Variants in DZANK1 observed in about 807,000 individuals in gnomAD.
DZANK1 encodes double zinc ribbon and ankyrin repeat domains 1, also known as double zinc ribbon and ankyrin repeat-containing protein 1.
Under a neutral mutation model 94.5 loss-of-function variants are expected in DZANK1, and 91 were observed. The ratio of observed to expected loss-of-function variants is 0.96; its 90% CI spans 0.81 to 1.15. DZANK1 has a LOEUF of 1.15. Ranked by LOEUF, DZANK1 falls within the 50% of genes most tolerant of loss-of-function variation. The pLI, the probability that DZANK1 is intolerant of heterozygous loss-of-function variation, is 0.00. For missense variants in DZANK1, 903 were observed against 916.4 expected (o/e 0.99, Z 0.19); for synonymous variants, 312 against 325.3 (o/e 0.96, Z 0.44).
At chr20:18,388,684 A>G (rs1475313330) in intron 19 of DZANK1, among the ~76,000 whole-genome samples, 6 of 152,270 alleles carry the variant, frequency 3.9e-5, no homozygotes, top group African/African-American at 1.2e-4. Context: ...ACTTGAGAAA[A>G]TAAATTCCAA....
rs2058728599 is a variant in DZANK1 at position 18,441,966 on chromosome 20, G to A, written c.747+1381C>T. 6.6e-6 allele frequency among the ~76,000 whole-genome samples: 1 copy of A among 152,178 alleles called. No individual in the cohort carries two copies. The highest frequency in any genetic ancestry group is 2.4e-5 in the African/African-American group (1 of 41,444). On this transcript the variant is annotated intron_variant, in intron 8 of 20. Coordinates refer to ENST00000262547, the Ensembl canonical transcript of DZANK1. The surrounding 1 kb of genome is among the most constrained non-coding windows in gnomAD (Gnocchi z 4.1). ...TCACATGGCAAGAGCAAAGAGACAGGAGAGCACACACCTCTGCATCTCTTT... is the reference window on the plus strand; with the variant it reads ...TCACATGGCAAGAGCAAAGAGACAGAAGAGCACACACCTCTGCATCTCTTT...
At chr20:18,389,720 T>C in exon 19 of DZANK1, 4 of 1,614,004 alleles carry the variant, frequency 2.5e-6, no homozygotes, top group African/African-American at 1.3e-5. Context: ...TGCTGGTCGA[T>C]GTCTGCTCCT....
chr20:18,412,730 CCT>C lies in DZANK1; in HGVS notation c.1346_1347del (p.Lys449ArgfsTer16), dbSNP rs1491146429. 1.2e-6 allele frequency: 2 copies of C among 1,613,638 alleles called. No individual in the cohort carries two copies. The highest frequency in any genetic ancestry group is 2.7e-5 in the African/African-American group (2 of 74,894). On this transcript the variant is annotated frameshift_variant, in exon 13 of 21. Coordinates refer to ENST00000262547, the Ensembl canonical transcript of DZANK1. LOFTEE classifies it high-confidence loss of function. ...TGCTTTTGAGAGGCTAGTTCCTGTT[CCT>C]TTTTTGCTAGCAGCTTGCCAGATGG...
chr20:18,455,372 T>C lies in DZANK1; in HGVS notation c.264-11A>G, dbSNP rs745811366. 5.1e-6 allele frequency: 8 copies of C among 1,567,006 alleles called. No homozygotes were observed. In the South Asian group the frequency reaches 9.5e-5, roughly 19 times the overall value. ...CTCTGTCTGCAGTCTCTGAAAATTATTATTAAGAAAGGAAAAAGTCTGTGT... is the reference window on the plus strand; with the variant it reads ...CTCTGTCTGCAGTCTCTGAAAATTACTATTAAGAAAGGAAAAAGTCTGTGT... On this transcript the variant is annotated splice_polypyrimidine_tract_variant and intron_variant, in intron 3 of 20. Transcript: ENST00000262547.
At chr20:18,415,584 G>GT (rs1056251823) in intron 10 of DZANK1, 135 bp from the exon 11 acceptor site, 186 of 1,079,792 alleles carry the variant, frequency 1.7e-4, no homozygotes, top group Non-Finnish European at 2.1e-4. Flanking sequence ...GTTTTGTTTT[G>GT]TTTTTTTCCC....
At chr20:18,395,269 G>A (rs945259094) in intron 15 of DZANK1, among the ~76,000 whole-genome samples, 7 of 152,196 alleles carry the variant, frequency 4.6e-5, no homozygotes, top group South Asian at 2.1e-4. Context: ...GCTGAGGAAC[G>A]AGAATTGCTG....
At chr20:18,464,829 C>A (rs573824809) in intron 2 of DZANK1, among the ~76,000 whole-genome samples, 2 of 152,132 alleles carry the variant, frequency 1.3e-5, no homozygotes, top group East Asian at 3.9e-4. Context: ...GTGCCCACCA[C>A]CATGTCTGGC....
At chr20:18,406,837 A>T (rs1000449264) in intron 13 of DZANK1, among the ~76,000 whole-genome samples, 3 of 152,166 alleles carry the variant, frequency 2.0e-5, no homozygotes, top group African/African-American at 7.2e-5. Flanking sequence ...GGTGAGTCCC[A>T]GGCCTGGAAG....
chr20:18,404,227 T>A (rs1279877022), intron 13 of DZANK1, among the ~76,000 whole-genome samples: 7 of 152,128 alleles, frequency 4.6e-5, no homozygotes, highest in Non-Finnish European at 8.8e-5. Context: ...AAAGATTGGA[T>A]ACCCCTGCTG....
At chr20:18,416,486 C>A (rs754459048) in intron 10 of DZANK1, among the ~76,000 whole-genome samples, 3 of 152,188 alleles carry the variant, frequency 2.0e-5, no homozygotes, top group Non-Finnish European at 4.4e-5. Flanking sequence ...AAAGGTTTTA[C>A]TGAGTCAATG....
chr20:18,451,677 G>A (rs1334362654), intron 6 of DZANK1, among the ~76,000 whole-genome samples: 3 of 151,926 alleles, frequency 2.0e-5, no homozygotes, highest in Non-Finnish European at 4.4e-5. Context: ...ACACCTGCTC[G>A]TCTCTCATCT....
At chr20:18,398,625 C>T (rs1296563739) in exon 14 of DZANK1, 1 of 1,613,778 alleles carries the variant, frequency 6.2e-7, no homozygotes, top group Non-Finnish European at 8.5e-7. Context: ...TTCTCCAGTA[C>T]CCTAAGAAAG....
At chr20:18,438,261 G>A (rs1192062491) in intron 8 of DZANK1, among the ~76,000 whole-genome samples, 18 of 137,344 alleles carry the variant, frequency 1.3e-4, no homozygotes, top group Non-Finnish European at 2.6e-4. Context: ...AAAGAAAGCA[G>A]TAAACGAGGG....
chr20:18,405,142 G>C (rs940014825), intron 13 of DZANK1, among the ~76,000 whole-genome samples: 2 of 144,532 alleles, frequency 1.4e-5, no homozygotes, highest in African/African-American at 5.2e-5. Context: ...ATTGCAGTGA[G>C]CTGTGATTTG....
At chr20:18,402,321 G>A (rs1455808428) in intron 13 of DZANK1, among the ~76,000 whole-genome samples, 1 of 152,114 alleles carries the variant, frequency 6.6e-6, no homozygotes, top group Non-Finnish European at 1.5e-5. Context: ...CCTGAAGCTG[G>A]TGATCAGCAG....
intron 8 of DZANK1, among the ~76,000 whole-genome samples, chr20:18,437,941 G>A (rs567452950): frequency 6.6e-6 from 1 of 152,108 alleles, no homozygotes; most frequent in Admixed American, 6.5e-5. Flanking sequence ...ACAAAAGGCC[G>A]GGTGCGGTGG....
At chr20:18,404,549 T>C (rs1249642103) in intron 13 of DZANK1, among the ~76,000 whole-genome samples, 3 of 151,544 alleles carry the variant, frequency 2.0e-5, no homozygotes, top group South Asian at 2.1e-4. Flanking sequence ...GTACCCAGAG[T>C]TGATACAATA....
At chr20:18,459,662 A>G (rs1303408553) in intron 3 of DZANK1, among the ~76,000 whole-genome samples, 1 of 152,238 alleles carries the variant, frequency 6.6e-6, no homozygotes, top group Non-Finnish European at 1.5e-5. Flanking sequence ...TCATTAAGAA[A>G]AAAAAGGATA....
chr20:18,451,768 C>T (rs1056400634), intron 6 of DZANK1: 1 of 445,266 alleles, frequency 2.2e-6, no homozygotes. Flanking sequence ...CTCCCCTTCC[C>T]TCTCATCCGT....
Sources: allele counts gnomAD v4.1 joint callset (sites outside exome capture counted in the v4.1 genomes callset), GRCh38; gene constraint gnomAD v4.1.1; non-coding constraint Gnocchi (gnomAD v3.1); transcripts MANE v1.5; gene names NCBI Gene and HGNC (gene_info 2026-07-23, HGNC 2026-07-21).